Variants in RBM20 observed in about 807,000 individuals in gnomAD.
RBM20 encodes RNA binding motif protein 20.
RBM20 carries 51 observed loss-of-function variants against 110.1 expected under a neutral mutation model. That is an observed-to-expected ratio of 0.46 (90% confidence interval 0.37 to 0.59). The LOEUF is 0.59. Ranked by LOEUF, RBM20 falls within the 20% of genes least tolerant of loss-of-function variation. RBM20 has a pLI of 0.00. For synonymous variants in RBM20, 589 were observed against 618.2 expected (o/e 0.95, Z 0.70); for missense variants, 1,512 against 1,574.9 (o/e 0.96, Z 0.68).
chr10:110,758,067 A>G (rs1289862075), intron 1 of RBM20, among the ~76,000 whole-genome samples: 4 of 117,810 alleles, frequency 3.4e-5, no homozygotes, highest in East Asian at 2.6e-4. Context: ...CATCCAGGCT[A>G]GAGTGCAGTG....
At chr10:110,737,786 C>T (rs962973748) in intron 1 of RBM20, among the ~76,000 whole-genome samples, 1 of 152,138 alleles carries the variant, frequency 6.6e-6, no homozygotes, top group African/African-American at 2.4e-5. Context: ...CAGGAATACA[C>T]CACTATTTAT....
At chr10:110,688,768 G>T (rs1432833121) in intron 1 of RBM20, among the ~76,000 whole-genome samples, 4 of 152,088 alleles carry the variant, frequency 2.6e-5, no homozygotes, top group Admixed American at 6.5e-5. Flanking sequence ...ATTAATGTTG[G>T]TACAATACTA....
At chr10:110,669,345 T>G (rs1448056293) in intron 1 of RBM20, among the ~76,000 whole-genome samples, 1 of 151,896 alleles carries the variant, frequency 6.6e-6, no homozygotes, top group Non-Finnish European at 1.5e-5. Flanking sequence ...GAATGATATT[T>G]AAACGACCAG....
chr10:110,678,574 G>A (rs1252276782), intron 1 of RBM20, among the ~76,000 whole-genome samples: 1 of 152,196 alleles, frequency 6.6e-6, no homozygotes, highest in Non-Finnish European at 1.5e-5. Context: ...GAGTGTGCAA[G>A]GCCGGGGGAG....
chr10:110,780,934 G>A lies in RBM20; in HGVS notation c.325G>A (p.Ala109Thr), dbSNP rs1365327844. The A allele has an allele frequency of 6.4e-7, 1 of 1,551,598 alleles. No homozygotes were observed. Among genetic ancestry groups the A allele is most frequent in the East Asian group, 2.4e-5 (1 of 40,904 alleles). ...TLHRLKLAQT[A>T]VTNNTAAATV... ...CCACCGGCTGAAGCTGGCACAGACA[G>A]CTGTCACCAACAACACTGCAGCCGC... Residue 109 changes from alanine to threonine, a missense_variant, in exon 2 of 14, where the codon GCT becomes ACT. Ala to Thr is a moderately conservative substitution (Grantham distance 58). Around this residue, in one of 3 missense-constraint regions of RBM20, gnomAD observed 1,149 missense variants for 1,169.4 expected, o/e 0.98. Coordinates refer to ENST00000369519, the MANE Select transcript of RBM20 (RefSeq NM_001134363.3).
At position 110,708,172 on chromosome 10, in the gene RBM20, G is replaced by A. The variant is rs146691843; in HGVS notation, c.191+63527G>A. ...ATGCTTAAAGGGGCTCTGTGCTTGG[G>A]CGTGATGCTCTGGTAATCACCATTT... On this transcript the variant is annotated intron_variant, in intron 1 of 13. Transcript: ENST00000369519. Among the ~76,000 whole-genome samples, 250 of 152,298 alleles carry A rather than the reference G, an allele frequency of 1.6e-3. 2 individuals are homozygous for A. Among genetic ancestry groups the A allele is most frequent in the African/African-American group, 5.8e-3 (241 of 41,562 alleles).
intron 1 of RBM20, among the ~76,000 whole-genome samples, chr10:110,667,330 A>G (rs1445597861): frequency 6.6e-6 from 1 of 152,116 alleles, no homozygotes; most frequent in Admixed American, 6.5e-5. Flanking sequence ...TTTCTTGGGG[A>G]CCTTGGGCCA....
chr10:110,772,526 A>G (rs11195318), intron 1 of RBM20, among the ~76,000 whole-genome samples: 3,148 of 152,300 alleles, frequency 0.021, 115 homozygotes, highest in African/African-American at 0.072. Flanking sequence ...GATATGCACA[A>G]ATACTCACCA....
intron 1 of RBM20, among the ~76,000 whole-genome samples, chr10:110,740,650 A>T (rs2134967594): frequency 6.6e-6 from 1 of 152,224 alleles, no homozygotes; most frequent in South Asian, 2.1e-4. Flanking sequence ...GGCCACCTTG[A>T]TGTTCACTGG....
At chr10:110,650,332 A>C (rs1861928272) in intron 1 of RBM20, among the ~76,000 whole-genome samples, 1 of 152,166 alleles carries the variant, frequency 6.6e-6, no homozygotes, top group Non-Finnish European at 1.5e-5. Flanking sequence ...TTCTAAGGCA[A>C]CTTTTCCAAC....
At position 110,728,461 on chromosome 10, in the gene RBM20, AGGTAGACTTT is replaced by A. The variant is rs75820517; in HGVS notation, c.192-52325_192-52316del. 7.7e-3 allele frequency among the ~76,000 whole-genome samples: 1,168 copies of A among 152,320 alleles called. 7 individuals are homozygous for A. The highest frequency in any genetic ancestry group is 0.014 in the Middle Eastern group (4 of 294). On this transcript the variant is annotated intron_variant, in intron 1 of 13. Coordinates refer to ENST00000369519, the MANE Select transcript of RBM20 (RefSeq NM_001134363.3). ...GGATAAGGTTGATTCTTTACTAGAC[AGGTAGACTTT>A]GGTAGACTTTGGTAAATTGCTGTTA...
At chr10:110,758,097 C>A (rs760795077) in intron 1 of RBM20, among the ~76,000 whole-genome samples, 1 of 139,852 alleles carries the variant, frequency 7.2e-6, no homozygotes, top group South Asian at 2.3e-4. Flanking sequence ...CAGCTCACTG[C>A]AATCTCCAGC....
At chr10:110,663,241 A>T (rs780256604) in intron 1 of RBM20, among the ~76,000 whole-genome samples, 2 of 152,082 alleles carry the variant, frequency 1.3e-5, no homozygotes, top group Non-Finnish European at 2.9e-5. Context: ...TACAGGCGTG[A>T]GCCACCACAC....
chr10:110,785,408 A>G (rs1451964492), intron 5 of RBM20, among the ~76,000 whole-genome samples: 1 of 152,052 alleles, frequency 6.6e-6, no homozygotes, highest in African/African-American at 2.4e-5. Context: ...CTGGCCATAG[A>G]TTGGTTCATG....
chr10:110,668,083 G>A (rs532496386), intron 1 of RBM20, among the ~76,000 whole-genome samples: 2 of 152,248 alleles, frequency 1.3e-5, no homozygotes, highest in East Asian at 3.9e-4. Context: ...TCATCACCAG[G>A]CTAAAATTAA....
intron 1 of RBM20, among the ~76,000 whole-genome samples, chr10:110,697,467 T>A (rs1490757990): frequency 6.6e-6 from 1 of 152,264 alleles, no homozygotes; most frequent in Non-Finnish European, 1.5e-5. Context: ...CAGTGTGTAT[T>A]GAGCACTAAC....
chr10:110,774,688 G>GT (rs1844238330), intron 1 of RBM20, among the ~76,000 whole-genome samples: 1 of 151,974 alleles, frequency 6.6e-6, no homozygotes, highest in South Asian at 2.1e-4. Flanking sequence ...TTTTCTTTTT[G>GT]TTTGTTTTGT....
chr10:110,734,928 G>A (rs1052406297), intron 1 of RBM20, among the ~76,000 whole-genome samples: 3 of 152,096 alleles, frequency 2.0e-5, no homozygotes, highest in Admixed American at 2.0e-4. Context: ...GTTCTGAGTG[G>A]CGTGATGAAA....
intron 1 of RBM20, among the ~76,000 whole-genome samples, chr10:110,716,085 T>C (rs1166554212): frequency 6.6e-6 from 1 of 152,266 alleles, no homozygotes; most frequent in Non-Finnish European, 1.5e-5. Context: ...ATGTAAGTGA[T>C]GAAAAGTCAA....
Sources: allele counts gnomAD v4.1 joint callset (sites outside exome capture counted in the v4.1 genomes callset), GRCh38; gene constraint gnomAD v4.1.1; regional missense constraint gnomAD v4.1.1; transcripts MANE v1.5; gene names NCBI Gene and HGNC (gene_info 2026-07-23, HGNC 2026-07-21).